Variants in NDUFAF8 observed in about 807,000 individuals in gnomAD.
NDUFAF8 encodes the protein NADH:ubiquinone oxidoreductase complex assembly factor 8, also known as NADH dehydrogenase [ubiquinone] 1 alpha subcomplex assembly factor 8.
In NDUFAF8, 9 loss-of-function variants were observed where a neutral mutation model predicts 9.9. The ratio of observed to expected loss-of-function variants is 0.91; its 90% confidence interval spans 0.55 to 1.59. The LOEUF is 1.59. NDUFAF8 is among the 40% of genes most tolerant of loss of function. The probability of loss-of-function intolerance (pLI) is 0.00; values close to 1 mark genes in which losing one functional copy is unlikely to be tolerated. For missense variants in NDUFAF8, 114 were observed against 113.8 expected, an observed-to-expected ratio of 1.00 and a Z score of -0.01; for synonymous variants, 63 against 51.2, an observed-to-expected ratio of 1.23 and a Z score of -0.98.
In NDUFAF8 at chr17:81,239,633, C is replaced by G; in HGVS notation, c.150C>G (p.Phe50Leu). The G allele has an allele frequency of 6.5e-7, 1 of 1,540,664 alleles. No individual in the cohort carries two copies. Among genetic ancestry groups the G allele is most frequent in the Non-Finnish European group, 8.7e-7 (1 of 1,146,560 alleles). Reference protein sequence around the residue: ...TAPGGRLSKDFCAREFEALRS... With the variant: ...TAPGGRLSKDLCAREFEALRS... Reference sequence around the variant, plus strand: ...CGGGCGGCCGCCTGAGTAAGGACTTCTGCGCGCGGGAGTTCGAGGCCCTGC... The same window carrying G: ...CGGGCGGCCGCCTGAGTAAGGACTTGTGCGCGCGGGAGTTCGAGGCCCTGC... Residue 50 changes from phenylalanine to leucine, a missense_variant, in exon 2 of 3, where the codon TTC becomes TTG. Phe to Leu is a conservative substitution (Grantham distance 22). Coordinates refer to ENST00000431388, the MANE Select transcript of NDUFAF8 (RefSeq NM_001086521.2).
intron 2 of NDUFAF8, among the ~76,000 whole-genome samples, chr17:81,240,736 C>G (rs1308064695): frequency 6.6e-6 from 1 of 151,198 alleles, no homozygotes; most frequent in South Asian, 2.1e-4. Flanking sequence ...TGTGGCATCT[C>G]GTGGGGGCTC....
chr17:81,239,975 G>C, intron 2 of NDUFAF8: 1 of 467,078 alleles, frequency 2.1e-6, no homozygotes, highest in East Asian at 4.5e-5. Flanking sequence ...GCCGCCGGGG[G>C]GTGTCATGCC....
At position 81,239,693 on chromosome 17, in the gene NDUFAF8, G is replaced by GCCCCTTCC. The variant is rs2062793751; in HGVS notation, c.195+25_195+32dup. The GCCCCTTCC allele has an allele frequency of 2.0e-6, 3 of 1,535,212 alleles. No homozygotes were observed. Among genetic ancestry groups the GCCCCTTCC allele is most frequent in the Non-Finnish European group, 2.6e-6 (3 of 1,144,858 alleles). Reference sequence around the variant, plus strand: ...TCGCCGCTGCGGTAGGTGGGCGCGGGCCCCTTCCCCCCTTCCCAGCCCTTC... The same window carrying GCCCCTTCC: ...TCGCCGCTGCGGTAGGTGGGCGCGGGCCCCTTCCCCCCTTCCCCCCTTCCCAGCCCTTC... On this transcript the variant is annotated intron_variant, in intron 2 of 2. Coordinates refer to ENST00000431388, the MANE Select transcript of NDUFAF8 (RefSeq NM_001086521.2).
intron 2 of NDUFAF8, chr17:81,239,917 T>G (rs1033902531): frequency 1.7e-6 from 1 of 582,746 alleles, no homozygotes; most frequent in African/African-American, 1.9e-5. Context: ...ATGGGAGATG[T>G]GTGCAAAAAA....
chr17:81,241,069 C>T lies in NDUFAF8; in HGVS notation c.*53C>T, dbSNP rs756694869. On this transcript the variant is annotated 3_prime_UTR_variant, in exon 3 of 3. Coordinates refer to ENST00000431388, the MANE Select transcript of NDUFAF8 (RefSeq NM_001086521.2). Reference sequence around the variant, plus strand: ...GCTGCCATGGGTGCAGAGCCCTAGTCCTGATGGCCCCTGGTGGCACATATC... The same window carrying T: ...GCTGCCATGGGTGCAGAGCCCTAGTTCTGATGGCCCCTGGTGGCACATATC... 15 of 1,584,840 alleles carry T rather than the reference C, an allele frequency of 9.5e-6. No homozygotes were observed. The highest frequency in any genetic ancestry group is 1.1e-5 in the South Asian group (1 of 87,496).
chr17:81,239,502 G>C (rs2062790133), intron 1 of NDUFAF8, 55 bp downstream of exon 1: 5 of 1,430,804 alleles, frequency 3.5e-6, no homozygotes, highest in Non-Finnish European at 4.6e-6. Context: ...GCGCGGGGAG[G>C]TGGCTGGGAG....
Position 81,239,342 on chromosome 17 carries a change from A to AG in NDUFAF8, c.-17dup, listed in dbSNP as rs937865541. 6.5e-5 allele frequency: 89 copies of AG among 1,367,278 alleles called. No homozygotes were observed. The highest frequency in any genetic ancestry group is 9.2e-5 in the African/African-American group (6 of 64,968). 84.7% of individuals were successfully genotyped at this position (1,367,278 alleles called of 1,614,324 possible). ...GGACGGACCTAAGATGGCGGCCTCC[A>AG]GGGGGCTGGGAATAGCCGCTCATGT... On this transcript the variant is annotated 5_prime_UTR_variant, in exon 1 of 3. Coordinates refer to ENST00000431388, the MANE Select transcript of NDUFAF8 (RefSeq NM_001086521.2).
intron 1 of NDUFAF8, 47 bp downstream of exon 1, chr17:81,239,494 G>A (rs917504587): frequency 2.1e-6 from 3 of 1,423,698 alleles, no homozygotes; most frequent in Non-Finnish European, 2.8e-6. Context: ...GAGGAGCCGC[G>A]CGGGGAGGTG....
rs772767375 is a variant in NDUFAF8 at position 81,241,138 on chromosome 17, C to T, written c.*122C>T. The T allele has an allele frequency of 6.3e-5, 90 of 1,437,912 alleles. No individual in the cohort carries two copies. The highest frequency in any genetic ancestry group is 5.4e-5 in the Non-Finnish European group (59 of 1,085,788). 89.1% of individuals were successfully genotyped at this position (1,437,912 alleles called of 1,614,324 possible). ...GGAAGTGGGAATGGCGAAGATGTGA[C>T]ATTCCTCGGTGTTAGATCCTGTTTT... is the stretch of plus-strand genomic sequence containing the variant. On this transcript the variant is annotated 3_prime_UTR_variant, in exon 3 of 3. Coordinates refer to ENST00000431388, the MANE Select transcript of NDUFAF8 (RefSeq NM_001086521.2).
At position 81,241,252 on chromosome 17, in the gene NDUFAF8, G is replaced by A. The variant is rs964250362; in HGVS notation, c.*236G>A. ...TGAGTTAGAATAAGATGTAACGGAAGCCACGATAAAGACTCGGTCAAATCC... is the reference window on the plus strand; with the variant it reads ...TGAGTTAGAATAAGATGTAACGGAAACCACGATAAAGACTCGGTCAAATCC... On this transcript the variant is annotated 3_prime_UTR_variant, in exon 3 of 3. Coordinates refer to ENST00000431388, the MANE Select transcript of NDUFAF8 (RefSeq NM_001086521.2). The A allele has an allele frequency of 4.0e-6, 5 of 1,252,800 alleles. No homozygotes were observed. The highest frequency in any genetic ancestry group is 4.1e-6 in the Non-Finnish European group (4 of 969,132). 77.6% of individuals were successfully genotyped at this position (1,252,800 alleles called of 1,614,324 possible). A position where few individuals can be genotyped will look rare whatever the true frequency, so the allele number is the denominator to read the frequency against.
chr17:81,239,390 C>G lies in NDUFAF8; in HGVS notation c.27C>G (p.Gly9=). MSANGAVW[G]RVRSRLRAFP... ...TGTCGGCTAACGGAGCGGTGTGGGG[C>G]CGCGTGCGAAGCCGCCTCCGCGCCT... The change falls in exon 1 of 3, where the codon GGC becomes GGG. Residue 9 remains glycine, a synonymous_variant. Transcript: ENST00000431388. 7.3e-7 allele frequency: 1 copy of G among 1,369,200 alleles called. No individual in the cohort carries two copies. The highest frequency in any genetic ancestry group is 9.4e-7 in the Non-Finnish European group (1 of 1,060,682). 84.8% of individuals were successfully genotyped at this position (1,369,200 alleles called of 1,614,324 possible). A position where few individuals can be genotyped will look rare whatever the true frequency, so the allele number is the denominator to read the frequency against.
In NDUFAF8 at chr17:81,241,052, G is replaced by A; in HGVS notation, c.*36G>A. On this transcript the variant is annotated 3_prime_UTR_variant, in exon 3 of 3. Transcript: ENST00000431388. ...GAGCTTCACACCTGTCTGCTGCCATGGGTGCAGAGCCCTAGTCCTGATGGC... is the reference window on the plus strand; with the variant it reads ...GAGCTTCACACCTGTCTGCTGCCATAGGTGCAGAGCCCTAGTCCTGATGGC... 1.2e-6 allele frequency: 2 copies of A among 1,610,894 alleles called. No homozygotes were observed. The highest frequency in any genetic ancestry group is 1.7e-6 in the Non-Finnish European group (2 of 1,178,664).
chr17:81,239,610 G>C lies in NDUFAF8; in HGVS notation c.127G>C (p.Gly43Arg), dbSNP rs558138829. 7 of 1,539,294 alleles carry C rather than the reference G, an allele frequency of 4.5e-6. No individual in the cohort carries two copies. In the East Asian group the frequency reaches 1.7e-4, roughly 38 times the overall value. ...GTGCGTGCAGGCCTCCACGGCCCCG[G>C]GCGGCCGCCTGAGTAAGGACTTCTG... ...GRCVQASTAP[G>R]GRLSKDFCAR... The change falls in exon 2 of 3, where the codon GGC becomes CGC. Residue 43 changes from glycine to arginine, a missense_variant. Gly to Arg is a moderately radical substitution (Grantham distance 125). Coordinates refer to ENST00000431388, the MANE Select transcript of NDUFAF8 (RefSeq NM_001086521.2).
rs1459032755 is a variant in NDUFAF8 at position 81,239,335 on chromosome 17, G to T, written c.-29G>T. 1 of 1,366,566 alleles carries T rather than the reference G, an allele frequency of 7.3e-7. No homozygotes were observed. Among genetic ancestry groups the T allele is most frequent in the South Asian group, 1.8e-5 (1 of 54,664 alleles). 84.7% of individuals were successfully genotyped at this position (1,366,566 alleles called of 1,614,324 possible). A position where few individuals can be genotyped will look rare whatever the true frequency, so the allele number is the denominator to read the frequency against. ...CGGAAGAGGACGGACCTAAGATGGC[G>T]GCCTCCAGGGGGCTGGGAATAGCCG... is the stretch of plus-strand genomic sequence containing the variant. On this transcript the variant is annotated 5_prime_UTR_variant, in exon 1 of 3. Transcript: ENST00000431388.
intron 2 of NDUFAF8, 99 bp from the exon 3 acceptor site, chr17:81,240,888 A>G: frequency 1.4e-6 from 2 of 1,437,498 alleles, no homozygotes; most frequent in Non-Finnish European, 1.9e-6. Context: ...AGTTCTCTGT[A>G]AGGTATTTGG....
chr17:81,239,749 C>A (rs1323762395), intron 2 of NDUFAF8, 71 bp downstream of exon 2: 2 of 1,451,238 alleles, frequency 1.4e-6, no homozygotes, highest in East Asian at 5.1e-5. Context: ...CCCGGCTTTC[C>A]TTTGCTTTCC....
At position 81,239,326 on chromosome 17, in the gene NDUFAF8, T is replaced by C; in HGVS notation, c.-38T>C. The C allele has an allele frequency of 7.3e-7, 1 of 1,367,128 alleles. No individual in the cohort carries two copies. 84.7% of individuals were successfully genotyped at this position (1,367,128 alleles called of 1,614,324 possible). On this transcript the variant is annotated 5_prime_UTR_variant, in exon 1 of 3. Transcript: ENST00000431388. ...GTTTGACACCGGAAGAGGACGGACC[T>C]AAGATGGCGGCCTCCAGGGGGCTGG...
intron 2 of NDUFAF8, 156 bp downstream of exon 2, chr17:81,239,834 C>A: frequency 1.2e-6 from 1 of 827,382 alleles, no homozygotes; most frequent in Non-Finnish European, 1.9e-6. Context: ...ATCGACGAGC[C>A]CGCGAAACCT....
Position 81,241,145 on chromosome 17 carries a change from C to T in NDUFAF8, c.*129C>T, listed in dbSNP as rs747423232. On this transcript the variant is annotated 3_prime_UTR_variant, in exon 3 of 3. Transcript: ENST00000431388. ...GGAATGGCGAAGATGTGACATTCCT[C>T]GGTGTTAGATCCTGTTTTTTCTTAA... The T allele has an allele frequency of 3.5e-6, 5 of 1,425,798 alleles. No individual in the cohort carries two copies. The highest frequency in any genetic ancestry group is 2.9e-5 in the African/African-American group (2 of 69,362). 88.3% of individuals were successfully genotyped at this position (1,425,798 alleles called of 1,614,324 possible).
Sources: gnomAD v4.1 joint callset for allele counts (sites outside exome capture counted in the v4.1 genomes callset) on GRCh38, gnomAD v4.1.1 for gene constraint, MANE v1.5 for transcripts, NCBI Gene and HGNC (gene_info 2026-07-23, HGNC 2026-07-21) for gene names.